Variants in MYO9A observed in about 807,000 individuals in gnomAD.
MYO9A encodes the protein unconventional myosin-IXa.
Under a neutral mutation model 293.3 loss-of-function variants are expected in MYO9A, and 103 were observed. The observed-to-expected ratio is 0.35, with a 90% CI of 0.30 to 0.41. MYO9A has a LOEUF of 0.41. MYO9A is among the 10% of genes least tolerant of loss of function. The pLI, the probability that MYO9A is intolerant of heterozygous loss-of-function variation, is 1.00. For synonymous variants in MYO9A, 1,001 were observed against 1,035.7 expected (o/e 0.97, Z 0.64); for missense variants, 2,685 against 3,033.0 (o/e 0.89, Z 2.69).
Position 72,008,175 on chromosome 15 carries a change from G to T in MYO9A, c.1254-223C>A, listed in dbSNP as rs187424300. Among the ~76,000 whole-genome samples, 54 of 152,188 alleles carry T rather than the reference G, an allele frequency of 3.5e-4. No homozygotes were observed. In the East Asian group the frequency reaches 9.5e-3, roughly 27 times the overall value. On this transcript the variant is annotated intron_variant, in intron 7 of 41. Transcript: ENST00000356056. ...CCTTAAGTATACCACTTCTTATATA[G>T]TCATTTCAAAGGGACTTCTGCTATT...
In MYO9A at chr15:72,100,423, C is replaced by CCTTG. The variant is rs546275963; in HGVS notation, c.-72+17256_-72+17257insCAAG. Among the ~76,000 whole-genome samples, 122 of 152,056 alleles carry CCTTG rather than the reference C, an allele frequency of 8.0e-4. 4 individuals carry two copies. The East Asian group carries it at 0.017, about 21-fold the overall frequency. The stretch of plus-strand genomic sequence containing the variant: ...GGAGCGTCTCTGCCTGGCCACCCAT[C>CCTTG]GTCTGGGATGTGGGGAGCCCCTCTG... On this transcript the variant is annotated intron_variant, in intron 1 of 41. Transcript: ENST00000356056.
At chr15:72,008,436 GGTGTGTGTGTGTGTGTGT>G (rs57267628) in intron 7 of MYO9A, among the ~76,000 whole-genome samples, 3 of 138,832 alleles carry the variant, frequency 2.2e-5, no homozygotes, top group African/African-American at 5.4e-5. Flanking sequence ...GAGGTAAATG[GGTGTGTGTGTGTGTGTGT>G]GTGTGTGTGT....
intron 1 of MYO9A, among the ~76,000 whole-genome samples, chr15:72,075,532 A>G (rs1010139014): frequency 2.0e-5 from 3 of 152,070 alleles, no homozygotes; most frequent in Non-Finnish European, 4.4e-5. Context: ...GAAATTCTCA[A>G]GTAAAAAATA....
intron 1 of MYO9A, among the ~76,000 whole-genome samples, chr15:72,097,070 T>C (rs1284977479): frequency 6.6e-6 from 1 of 152,214 alleles, no homozygotes; most frequent in Admixed American, 6.5e-5. Context: ...CAACGAAGTA[T>C]GTATAATATT....
intron 27 of MYO9A, among the ~76,000 whole-genome samples, chr15:71,886,083 A>C (rs1159351788): frequency 6.6e-6 from 1 of 151,010 alleles, no homozygotes; most frequent in Non-Finnish European, 1.5e-5. Flanking sequence ...TTCCCTGTAT[A>C]GTTTATTTCT....
intron 7 of MYO9A, among the ~76,000 whole-genome samples, chr15:72,008,472 T>TGTGTGA (rs2073982819): frequency 6.7e-6 from 1 of 148,286 alleles, no homozygotes; most frequent in African/African-American, 2.5e-5. Flanking sequence ...TGTGTGTGTG[T>TGTGTGA]GTGAATGGGG....
chr15:72,060,952 A>G (rs776473409), intron 1 of MYO9A, among the ~76,000 whole-genome samples: 21 of 152,158 alleles, frequency 1.4e-4, no homozygotes, highest in Non-Finnish European at 2.5e-4. Context: ...AGGAGAGGAA[A>G]GAGTCACGTT....
At chr15:71,928,254 T>G (rs1207516219) in intron 18 of MYO9A, among the ~76,000 whole-genome samples, 1 of 147,662 alleles carries the variant, frequency 6.8e-6, no homozygotes, top group African/African-American at 2.5e-5. Flanking sequence ...ATTTTTTGTA[T>G]TTTTAGTAGA....
chr15:71,862,725 G>T, intron 32 of MYO9A, 114 bp from the exon 33 acceptor site: 1 of 602,540 alleles, frequency 1.7e-6, no homozygotes, highest in East Asian at 3.0e-5. Context: ...TAATTCCAGG[G>T]GGACAATTAG....
rs528940428 is a variant in MYO9A at position 72,102,985 on chromosome 15, GTTTC to G, written c.-72+14691_-72+14694del. Among the ~76,000 whole-genome samples the G allele has an allele frequency of 5.6e-4, 85 of 151,072 alleles. 1 individual carries two copies. The highest frequency in any genetic ancestry group is 1.8e-3 in the African/African-American group (75 of 41,172). On this transcript the variant is annotated intron_variant, in intron 1 of 41. Coordinates refer to ENST00000356056, the MANE Select transcript of MYO9A (RefSeq NM_006901.4). ...ATTATATATGGTTTTTTTTGTTGTTGTTTCTTTGTTTTTTGAGATGGAATCTCAC... is the reference window on the plus strand; with the variant it reads ...ATTATATATGGTTTTTTTTGTTGTTGTTTGTTTTTTGAGATGGAATCTCAC...
At position 72,027,908 on chromosome 15, in the gene MYO9A, G is replaced by C. The variant is rs952045857; in HGVS notation, c.936-115C>G. 5 of 759,708 alleles carry C rather than the reference G, an allele frequency of 6.6e-6. No individual in the cohort carries two copies. The African/African-American group carries it at 9.0e-5, about 14-fold the overall frequency. 47.1% of individuals were successfully genotyped at this position (759,708 alleles called of 1,614,324 possible). On this transcript the variant is annotated intron_variant, in intron 3 of 41. Transcript: ENST00000356056. ...TACTATCCAGATCATTTCAAAATATGCGCCATTGGCCGGGCGAGGTGGCTC... is the reference window on the plus strand; with the variant it reads ...TACTATCCAGATCATTTCAAAATATCCGCCATTGGCCGGGCGAGGTGGCTC...
At chr15:71,866,223 T>C (rs1362598061) in intron 32 of MYO9A, among the ~76,000 whole-genome samples, 1 of 152,218 alleles carries the variant, frequency 6.6e-6, no homozygotes, top group Non-Finnish European at 1.5e-5. Flanking sequence ...GAAACCCCTG[T>C]AGACCACACT....
chr15:71,916,377 T>C lies in MYO9A; in HGVS notation c.2678A>G (p.Gln893Arg). Reference sequence around the variant, plus strand: ...AGCGAAACAAGAAATAACCTGAAACTGGGCACTGATGCTGGGAGGTTTTTT... The same window carrying C: ...AGCGAAACAAGAAATAACCTGAAACCGGGCACTGATGCTGGGAGGTTTTTT... ...KKKKPPSISA[Q>R]FQASLSKLME... Residue 893 changes from glutamine to arginine, a missense_variant, in exon 19 of 42, where the codon CAG becomes CGG. Coordinates refer to ENST00000356056, the MANE Select transcript of MYO9A (RefSeq NM_006901.4). 1 of 1,610,118 alleles carries C rather than the reference T, an allele frequency of 6.2e-7. No individual in the cohort carries two copies. The highest frequency in any genetic ancestry group is 8.5e-7 in the Non-Finnish European group (1 of 1,179,020).
At chr15:72,052,333 T>TACC (rs2078591272) in intron 1 of MYO9A, among the ~76,000 whole-genome samples, 1 of 152,154 alleles carries the variant, frequency 6.6e-6, no homozygotes, top group African/African-American at 2.4e-5. Context: ...AGAGAGGAGC[T>TACC]ACCCACTGCG....
At chr15:72,006,867 T>C (rs1447225480) in intron 8 of MYO9A, among the ~76,000 whole-genome samples, 1 of 152,222 alleles carries the variant, frequency 6.6e-6, no homozygotes, top group Non-Finnish European at 1.5e-5. Flanking sequence ...ATAAGCACTG[T>C]ATTCTAGTTG....
intron 18 of MYO9A, among the ~76,000 whole-genome samples, chr15:71,923,506 A>G (rs2058211067): frequency 6.6e-6 from 1 of 152,194 alleles, no homozygotes; most frequent in African/African-American, 2.4e-5. Context: ...CTTTTCTTCA[A>G]TGGGAGACTT....
At chr15:72,019,863 C>T (rs1440898310) in intron 5 of MYO9A, among the ~76,000 whole-genome samples, 2 of 152,138 alleles carry the variant, frequency 1.3e-5, no homozygotes, top group Non-Finnish European at 2.9e-5. Context: ...GATTCTCGTG[C>T]CTCGGCCTCC....
At chr15:72,104,566 CA>C in intron 1 of MYO9A, among the ~76,000 whole-genome samples, 1 of 152,146 alleles carries the variant, frequency 6.6e-6, no homozygotes, top group East Asian at 1.9e-4. Context: ...GGTAGATGCT[CA>C]AATATTTTGA....
At chr15:71,956,860 A>AAATAT (rs2059213904) in intron 14 of MYO9A, among the ~76,000 whole-genome samples, 3 of 140,344 alleles carry the variant, frequency 2.1e-5, no homozygotes, top group African/African-American at 8.0e-5. Context: ...CACACACACA[A>AAATAT]ATATATATAT....
Sources: allele counts gnomAD v4.1 joint callset (sites outside exome capture counted in the v4.1 genomes callset), GRCh38; gene constraint gnomAD v4.1.1; transcripts MANE v1.5; gene names NCBI Gene and HGNC (gene_info 2026-07-23, HGNC 2026-07-21).